LYPLAL1: variants seen among roughly 807,000 people sequenced by gnomAD.
LYPLAL1 encodes the protein lysophospholipase-like protein 1.
Under a neutral mutation model 19.7 loss-of-function variants are expected in LYPLAL1, and 23 were observed. The ratio of observed to expected loss-of-function variants is 1.17; its 90% CI spans 0.84 to 1.65. LYPLAL1 has a LOEUF of 1.65. LYPLAL1 is among the 40% of genes most tolerant of loss of function. The pLI is 0.00. For missense variants in LYPLAL1, 355 were observed against 279.4 expected (o/e 1.27, Z -1.93); for synonymous variants, 119 against 96.3 (o/e 1.24, Z -1.38).
chr1:219,277,387 G>T, the LYPLAL1 span, among the ~76,000 whole-genome samples: 109 of 152,260 alleles, frequency 7.2e-4, no homozygotes, highest in South Asian at 4.1e-4. Context: ...TTTCCTTGAT[G>T]ACAGAGCATA....
chr1:219,316,478 C>T, the LYPLAL1 span, among the ~76,000 whole-genome samples: 1 of 151,994 alleles, frequency 6.6e-6, no homozygotes, highest in South Asian at 2.1e-4. Context: ...AGTGTTCTTT[C>T]CTTTTAAATT....
the LYPLAL1 span, among the ~76,000 whole-genome samples, chr1:219,402,339 T>G: frequency 1.3e-5 from 2 of 152,156 alleles, no homozygotes; most frequent in Admixed American, 6.5e-5. Flanking sequence ...AAAAAGAAAG[T>G]AAATTGCCCA....
At chr1:219,205,177 GAA>G (rs1196620404) in intron 3 of LYPLAL1, among the ~76,000 whole-genome samples, 1 of 151,598 alleles carries the variant, frequency 6.6e-6, no homozygotes, top group Non-Finnish European at 1.5e-5. Flanking sequence ...CTAACAAGGT[GAA>G]ACCCCGTCTC....
chr1:219,340,398 A>G, the LYPLAL1 span, among the ~76,000 whole-genome samples: 1 of 152,048 alleles, frequency 6.6e-6, no homozygotes, highest in South Asian at 2.1e-4. Flanking sequence ...ACAAGAAAGA[A>G]TAAGAATTGT....
chr1:219,374,447 G>T, the LYPLAL1 span, among the ~76,000 whole-genome samples: 1 of 151,984 alleles, frequency 6.6e-6, no homozygotes. Context: ...AGTGATATTT[G>T]ATCTTACTGT....
chr1:219,275,375 G>T, the LYPLAL1 span, among the ~76,000 whole-genome samples: 2 of 152,174 alleles, frequency 1.3e-5, no homozygotes, highest in Non-Finnish European at 2.9e-5. Context: ...TACCTGTACA[G>T]CCAATTTAAT....
chr1:219,306,149 C>G, the LYPLAL1 span, among the ~76,000 whole-genome samples: 4 of 152,054 alleles, frequency 2.6e-5, no homozygotes, highest in Non-Finnish European at 5.9e-5. Flanking sequence ...TGAGTGTAGA[C>G]TTTGAGAGGC....
At chr1:219,341,686 A>AT in the LYPLAL1 span, among the ~76,000 whole-genome samples, 1 of 152,034 alleles carries the variant, frequency 6.6e-6, no homozygotes, top group Admixed American at 6.6e-5. Context: ...TACACTTATC[A>AT]TTTTTTTCTA....
the LYPLAL1 span, among the ~76,000 whole-genome samples, chr1:219,357,876 C>G: frequency 7.9e-5 from 12 of 152,004 alleles, no homozygotes; most frequent in Admixed American, 2.6e-4. Flanking sequence ...GCTATCAAAC[C>G]AAGCAAAGAC....
In LYPLAL1 at chr1:219,173,959, T is replaced by C; in HGVS notation, c.69T>C (p.Ser23=). The change falls in exon 1 of 5, where the codon TCT becomes TCC. Residue 23 remains serine (S), a synonymous_variant. Coordinates refer to ENST00000366928, the MANE Select transcript of LYPLAL1 (RefSeq NM_138794.5). The part of the protein sequence containing the change: ...IVSPAGRHSA[S]LIFLHGSGDS... ...CGCCGGCAGGGAGGCATAGCGCCTC[T>C]CTGATCTTCCTGCATGGCTCAGGTG... The C allele has an allele frequency of 3.1e-6, 5 of 1,614,092 alleles. No homozygotes were observed. Among genetic ancestry groups the C allele is most frequent in the Non-Finnish European group, 4.2e-6 (5 of 1,179,970 alleles).
chr1:219,186,070 C>A (rs1656698684), intron 2 of LYPLAL1, among the ~76,000 whole-genome samples: 1 of 151,692 alleles, frequency 6.6e-6, no homozygotes, highest in African/African-American at 2.4e-5. Context: ...CCCATGGGAC[C>A]TAAATAACCC....
intron 2 of LYPLAL1, among the ~76,000 whole-genome samples, chr1:219,183,989 C>T (rs1216355838): frequency 6.6e-6 from 1 of 151,982 alleles, no homozygotes; most frequent in Non-Finnish European, 1.5e-5. Context: ...GTAATTATCA[C>T]AGCTGTATAG....
rs1368966420 is a variant in LYPLAL1, at chr1:219,202,330, AAAAGG to A, written c.362-8201_362-8197del. Among the ~76,000 whole-genome samples, 4 of 152,220 alleles carry A rather than the reference AAAAGG, an allele frequency of 2.6e-5. No individual in the cohort carries two copies. The East Asian group carries it at 5.8e-4, about 22-fold the overall frequency. On this transcript the variant is annotated intron_variant, in intron 3 of 4. Coordinates refer to ENST00000366928, the MANE Select transcript of LYPLAL1 (RefSeq NM_138794.5). Reference sequence around the variant, plus strand: ...CCCATCCTATGGTCACCTGGATAGCAAAAGGCCACACTGGAACAGTGGTACCACTT... The same window carrying A: ...CCCATCCTATGGTCACCTGGATAGCACCACACTGGAACAGTGGTACCACTT...
chr1:219,261,199 A>T, the LYPLAL1 span, among the ~76,000 whole-genome samples: 1 of 152,204 alleles, frequency 6.6e-6, no homozygotes, highest in South Asian at 2.1e-4. Flanking sequence ...TTATTCAATT[A>T]CATTTTTATA....
chr1:219,315,775 A>G, the LYPLAL1 span, among the ~76,000 whole-genome samples: 1 of 152,192 alleles, frequency 6.6e-6, no homozygotes, highest in Non-Finnish European at 1.5e-5. Flanking sequence ...TCAGAGACAA[A>G]TAAGGAAACA....
At chr1:219,193,051 T>G in intron 2 of LYPLAL1, 31 bp from the exon 3 acceptor site, 1 of 1,390,746 alleles carries the variant, frequency 7.2e-7, no homozygotes, top group Non-Finnish European at 9.4e-7. Context: ...TTTCCTTTCT[T>G]TTTTTTTGGG....
chr1:219,438,289 G>A, the LYPLAL1 span, among the ~76,000 whole-genome samples: 1 of 152,174 alleles, frequency 6.6e-6, no homozygotes, highest in Admixed American at 6.5e-5. Context: ...CCTAGAGTTA[G>A]GTATCTGTTG....
At chr1:219,380,144 C>T in the LYPLAL1 span, among the ~76,000 whole-genome samples, 2 of 152,260 alleles carry the variant, frequency 1.3e-5, no homozygotes, top group Non-Finnish European at 2.9e-5. Flanking sequence ...GAAATTAAAG[C>T]CCAGAGGAGT....
the LYPLAL1 span, among the ~76,000 whole-genome samples, chr1:219,368,966 T>C: frequency 6.6e-6 from 1 of 152,262 alleles, no homozygotes. Flanking sequence ...TCCTTCTTTA[T>C]TTATATTCCA....
Sources: allele counts gnomAD v4.1 joint callset (sites outside exome capture counted in the v4.1 genomes callset), GRCh38; gene constraint gnomAD v4.1.1; transcripts MANE v1.5; gene names NCBI Gene and HGNC (gene_info 2026-07-23, HGNC 2026-07-21).